Variants in RANBP17 observed in about 807,000 individuals in gnomAD.
RANBP17 encodes RAN binding protein 17.
Under a neutral mutation model 141.2 loss-of-function variants are expected in RANBP17, and 158 were observed. That is an observed-to-expected ratio of 1.12 (90% confidence interval 0.98 to 1.28). The LOEUF (loss-of-function observed/expected upper bound fraction) is 1.28. Ranked by LOEUF, RANBP17 falls within the 50% of genes most tolerant of loss-of-function variation. RANBP17 has a pLI of 0.00. For synonymous variants in RANBP17, 430 were observed against 450.0 expected, an observed-to-expected ratio of 0.96 and a Z score of 0.56; for missense variants, 1,438 against 1,290.7, an observed-to-expected ratio of 1.11 and a Z score of -1.75.
chr5:170,876,533 G>A (rs1229011666), intron 1 of RANBP17, among the ~76,000 whole-genome samples: 1 of 152,150 alleles, frequency 6.6e-6, no homozygotes, highest in Non-Finnish European at 1.5e-5. Flanking sequence ...TGTTTAAAAT[G>A]TAGTTCATTT....
At chr5:171,207,089 C>T (rs983107587) in intron 20 of RANBP17, 1 of 164,766 alleles carries the variant, frequency 6.1e-6, no homozygotes, top group Non-Finnish European at 1.3e-5. Context: ...AGCCTCCTGA[C>T]TAGCTGGGAC....
At chr5:171,070,983 TACATA>T (rs1478689203) in intron 14 of RANBP17, among the ~76,000 whole-genome samples, 1 of 152,146 alleles carries the variant, frequency 6.6e-6, no homozygotes, top group Admixed American at 6.6e-5. Context: ...AACATTCTGG[TACATA>T]ACTGTTCTGC....
intron 25 of RANBP17, among the ~76,000 whole-genome samples, chr5:171,268,190 CAA>C (rs1479547968): frequency 2.6e-5 from 4 of 152,168 alleles, no homozygotes; most frequent in Non-Finnish European, 5.9e-5. Flanking sequence ...TGCCATGGGA[CAA>C]AGAGACAAGT....
intron 19 of RANBP17, among the ~76,000 whole-genome samples, chr5:171,204,972 T>C (rs1762490075): frequency 6.6e-6 from 1 of 152,208 alleles, no homozygotes; most frequent in Non-Finnish European, 1.5e-5. Context: ...AGAACTCTTT[T>C]CCTTACATCT....
At chr5:171,047,389 T>C (rs962107100) in intron 14 of RANBP17, among the ~76,000 whole-genome samples, 2 of 151,916 alleles carry the variant, frequency 1.3e-5, no homozygotes, top group African/African-American at 4.8e-5. Flanking sequence ...TGCCTCCATA[T>C]ATCCTCTTTG....
chr5:171,144,949 T>A (rs745672104), intron 14 of RANBP17, among the ~76,000 whole-genome samples: 4 of 152,232 alleles, frequency 2.6e-5, no homozygotes, highest in Non-Finnish European at 4.4e-5. Context: ...CATAAAGATA[T>A]ATGGAGAAGC....
Position 171,213,717 on chromosome 5 carries a change from T to C in RANBP17, c.2318T>C (p.Met773Thr), listed in dbSNP as rs147442719. 17 of 1,613,228 alleles carry C rather than the reference T, an allele frequency of 1.1e-5. No homozygotes were observed. The highest frequency in any genetic ancestry group is 1.7e-4 in the Middle Eastern group (1 of 6,056). Residue 773 changes from methionine to threonine, a missense_variant, in exon 21 of 28, where the codon ATG (methionine) becomes ACG (threonine). Physicochemically the swap from Met to Thr is moderately conservative, Grantham distance 81. Coordinates refer to ENST00000523189, the MANE Select transcript of RANBP17 (RefSeq NM_022897.5). ...TGTACAACTCCCATCTTGAAACTTA[T>C]GGCAGAACTTATGCAAAACAGGTAA... is the stretch of plus-strand genomic sequence containing the variant. ...PTCTTPILKL[M>T]AELMQNRSQR...
intron 14 of RANBP17, chr5:170,968,818 A>G: frequency 2.4e-6 from 1 of 424,420 alleles, no homozygotes; most frequent in Non-Finnish European, 4.6e-6. Context: ...TGTCCTTAGG[A>G]GACTGCATAT....
intron 14 of RANBP17, chr5:171,028,840 C>T (rs1562002893): frequency 8.7e-7 from 1 of 1,150,414 alleles, no homozygotes; most frequent in Admixed American, 2.3e-5. Context: ...GCCACTGTAC[C>T]TTTTTTTTCT....
At chr5:170,918,631 T>C in intron 9 of RANBP17, 82 bp from the exon 10 acceptor site, 1 of 1,179,974 alleles carries the variant, frequency 8.5e-7, no homozygotes, top group South Asian at 2.0e-5. Context: ...ATTGGGAGAC[T>C]TAAGATGCTT....
At chr5:171,170,419 A>AC (rs1406817755) in intron 15 of RANBP17, among the ~76,000 whole-genome samples, 1 of 152,172 alleles carries the variant, frequency 6.6e-6, no homozygotes, top group Admixed American at 6.6e-5. Flanking sequence ...AAGTTTCCAT[A>AC]CAACGGCAGC....
chr5:170,982,209 G>A (rs1777820132), intron 14 of RANBP17, among the ~76,000 whole-genome samples: 1 of 151,782 alleles, frequency 6.6e-6, no homozygotes, highest in African/African-American at 2.4e-5. Flanking sequence ...ATTCAAGAGA[G>A]AGACCTACAG....
intron 25 of RANBP17, among the ~76,000 whole-genome samples, chr5:171,279,559 G>GTTGCA (rs1767727713): frequency 6.6e-6 from 1 of 152,144 alleles, no homozygotes; most frequent in Admixed American, 6.5e-5. Flanking sequence ...TCTTAACGCT[G>GTTGCA]TTGCATTGGG....
chr5:171,257,829 G>A (rs1019220010), intron 24 of RANBP17, among the ~76,000 whole-genome samples: 2 of 152,122 alleles, frequency 1.3e-5, no homozygotes, highest in African/African-American at 4.8e-5. Flanking sequence ...TAGGAAGCCA[G>A]GCACGGTGGC....
At chr5:171,016,399 G>GT (rs550174290) in intron 14 of RANBP17, among the ~76,000 whole-genome samples, 40 of 152,076 alleles carry the variant, frequency 2.6e-4, no homozygotes, top group Non-Finnish European at 5.3e-4. Flanking sequence ...GAGAGGCTGA[G>GT]TTTTGCCTGT....
intron 24 of RANBP17, among the ~76,000 whole-genome samples, chr5:171,246,808 C>T (rs1334874228): frequency 1.3e-5 from 2 of 152,186 alleles, no homozygotes; most frequent in Non-Finnish European, 2.9e-5. Context: ...CTTGTGTGAC[C>T]ATGGGCACAT....
rs575120130 is a variant in RANBP17, at chr5:171,104,328, C to T, written c.1711-65802C>T. Among the ~76,000 whole-genome samples the T allele has an allele frequency of 6.6e-5, 10 of 152,256 alleles. No individual in the cohort carries two copies. The East Asian group carries it at 9.6e-4, about 15-fold the overall frequency. On this transcript the variant is annotated intron_variant, in intron 14 of 27. Coordinates refer to ENST00000523189, the MANE Select transcript of RANBP17 (RefSeq NM_022897.5). ...CTGGGATTACAGGGGTGAGCCACCG[C>T]GCCTGGCCTGTCCTCTTTAATTATC...
rs181852897 is a variant in RANBP17 at position 171,270,998 on chromosome 5, G to A, written c.2943+5151G>A. Among the ~76,000 whole-genome samples the A allele has an allele frequency of 3.1e-4, 44 of 142,294 alleles. 1 individual carries two copies. The Admixed American group carries it at 3.1e-3, about 10-fold the overall frequency. The allele number at this position is 142,294 out of a possible 152,430, so 93.4% of individuals were successfully genotyped here. A position where few individuals can be genotyped will look rare whatever the true frequency, so the allele number is the denominator to read the frequency against. On this transcript the variant is annotated intron_variant, in intron 25 of 27. Transcript: ENST00000523189. ...CTATTTTGCTCAAATCAACTGTACTGAAATCCAAAAGAAATTCTAATTGTG... is the reference window on the plus strand; with the variant it reads ...CTATTTTGCTCAAATCAACTGTACTAAAATCCAAAAGAAATTCTAATTGTG...
intron 14 of RANBP17, among the ~76,000 whole-genome samples, chr5:171,000,575 C>T (rs1048223503): frequency 2.0e-5 from 3 of 152,084 alleles, no homozygotes; most frequent in African/African-American, 4.8e-5. Context: ...CACACGCATC[C>T]GTGTCATGCG....
Sources: gnomAD v4.1 joint callset for allele counts (sites outside exome capture counted in the v4.1 genomes callset) on GRCh38, gnomAD v4.1.1 for gene constraint, MANE v1.5 for transcripts, NCBI Gene and HGNC (gene_info 2026-07-23, HGNC 2026-07-21) for gene names.